Variants in ADK observed in about 807,000 individuals in gnomAD.
The protein encoded by ADK is N6,N6-dimethyladenosine kinase.
In ADK, 24 loss-of-function variants were observed where a neutral mutation model predicts 44.7. The ratio of observed to expected loss-of-function variants is 0.54; its 90% CI spans 0.39 to 0.76. ADK has a LOEUF of 0.76. Among genes scored for constraint, ADK ranks in the 30% least tolerant of loss-of-function variants. The pLI, the probability that ADK is intolerant of heterozygous loss-of-function variation, is 0.00. For missense variants in ADK, 321 were observed against 425.1 expected (o/e 0.76, Z 2.15); for synonymous variants, 128 against 142.6 (o/e 0.90, Z 0.73).
rs1334320551 is a variant in ADK at position 74,580,402 on chromosome 10, C to G, written c.727-8880C>G. On this transcript the variant is annotated intron_variant, in intron 7 of 10. Transcript: ENST00000539909. ...ACCAGCTTGACCAACATGGTGAAAC[C>G]CCATCTCTATTAAAAATACAAAATT... Among the ~76,000 whole-genome samples the G allele has an allele frequency of 2.0e-5, 3 of 152,076 alleles. No individual in the cohort carries two copies. In the East Asian group the frequency reaches 5.8e-4, roughly 29 times the overall value.
Position 74,567,661 on chromosome 10 carries a change from C to A in ADK, c.727-21621C>A, listed in dbSNP as rs562470138. On this transcript the variant is annotated intron_variant, in intron 7 of 10. Coordinates refer to ENST00000539909, the MANE Select transcript of ADK (RefSeq NM_006721.4). ...TGATCAAATTTCACATTTCCCATTT[C>A]TTTTGTTCTCTCTCTCTCTGTTTTT... Among the ~76,000 whole-genome samples, 7 of 144,060 alleles carry A rather than the reference C, an allele frequency of 4.9e-5. No homozygotes were observed. The East Asian group carries it at 1.2e-3, about 25-fold the overall frequency. 94.5% of individuals were successfully genotyped at this position (144,060 alleles called of 152,430 possible). A position where few individuals can be genotyped will look rare whatever the true frequency, so the allele number is the denominator to read the frequency against.
intron 4 of ADK, among the ~76,000 whole-genome samples, chr10:74,388,467 A>T (rs1022964324): frequency 1.3e-5 from 2 of 152,184 alleles, no homozygotes; most frequent in African/African-American, 4.8e-5. Flanking sequence ...TAATGTCTTA[A>T]GAATATTGAG....
At chr10:74,671,390 G>A (rs1469941122) in intron 10 of ADK, among the ~76,000 whole-genome samples, 3 of 151,968 alleles carry the variant, frequency 2.0e-5, no homozygotes, top group Admixed American at 1.3e-4. Context: ...TGGCGACGGG[G>A]TTTCGCCATG....
chr10:74,302,791 G>A (rs955000447), intron 3 of ADK, among the ~76,000 whole-genome samples: 6 of 151,882 alleles, frequency 4.0e-5, no homozygotes, highest in Non-Finnish European at 8.8e-5. Flanking sequence ...GGGAGAGCCT[G>A]TCTCAAAAAA....
At chr10:74,315,055 C>CT (rs1326755253) in intron 4 of ADK, among the ~76,000 whole-genome samples, 4 of 151,652 alleles carry the variant, frequency 2.6e-5, no homozygotes. Flanking sequence ...GATAGTATTC[C>CT]TTTTTATTTT....
chr10:74,569,727 T>C (rs1850861077), intron 7 of ADK, among the ~76,000 whole-genome samples: 1 of 152,240 alleles, frequency 6.6e-6, no homozygotes, highest in African/African-American at 2.4e-5. Context: ...GTAGGTTGCC[T>C]GTTCACTCTG....
At chr10:74,303,509 T>C (rs546499348) in intron 3 of ADK, among the ~76,000 whole-genome samples, 1 of 151,894 alleles carries the variant, frequency 6.6e-6, no homozygotes, top group African/African-American at 2.4e-5. Flanking sequence ...AAACTTGTGG[T>C]TTTCTTTATT....
At chr10:74,466,772 T>G (rs1229556908) in intron 6 of ADK, among the ~76,000 whole-genome samples, 1 of 152,194 alleles carries the variant, frequency 6.6e-6, no homozygotes. Flanking sequence ...TTTCTCTTTC[T>G]GTAGCAAGAA....
chr10:74,342,995 G>A (rs1841637176), intron 4 of ADK, among the ~76,000 whole-genome samples: 1 of 151,976 alleles, frequency 6.6e-6, no homozygotes, highest in African/African-American at 2.4e-5. Context: ...TAATTGCTGT[G>A]ACTAGTAGTT....
At chr10:74,614,654 C>T (rs1289317776) in intron 9 of ADK, among the ~76,000 whole-genome samples, 1 of 151,852 alleles carries the variant, frequency 6.6e-6, no homozygotes, top group Non-Finnish European at 1.5e-5. Flanking sequence ...AGACTTTTGT[C>T]TGCTCTATCT....
Position 74,343,435 on chromosome 10 carries a change from G to A in ADK, c.273+28690G>A, listed in dbSNP as rs141749864. On this transcript the variant is annotated intron_variant, in intron 4 of 10. Transcript: ENST00000539909. ...ACTATTTATTAAGTGGAAATGTTTCGTGAGAAAAGTCATCATTGTCTTCAT... is the reference window on the plus strand; with the variant it reads ...ACTATTTATTAAGTGGAAATGTTTCATGAGAAAAGTCATCATTGTCTTCAT... Among the ~76,000 whole-genome samples, 122 of 152,146 alleles carry A rather than the reference G, an allele frequency of 8.0e-4. 1 individual carries two copies. Among genetic ancestry groups the A allele is most frequent in the African/African-American group, 2.7e-3 (110 of 41,502 alleles).
At chr10:74,575,819 G>A (rs1851164716) in intron 7 of ADK, among the ~76,000 whole-genome samples, 1 of 152,162 alleles carries the variant, frequency 6.6e-6, no homozygotes, top group Non-Finnish European at 1.5e-5. Context: ...GTGCAAGGAT[G>A]CCTTCAAACT....
At chr10:74,238,148 C>T (rs934331111) in intron 3 of ADK, among the ~76,000 whole-genome samples, 1 of 152,114 alleles carries the variant, frequency 6.6e-6, no homozygotes, top group Non-Finnish European at 1.5e-5. Flanking sequence ...CATGAGCCAC[C>T]GCGCCTGTCT....
At chr10:74,379,459 A>G (rs11001020) in intron 4 of ADK, among the ~76,000 whole-genome samples, 19,531 of 152,242 alleles carry the variant, frequency 0.13, 1,314 homozygotes, top group Middle Eastern at 0.17. Context: ...TTCTTGATTA[A>G]AATCCTTCAG....
intron 7 of ADK, among the ~76,000 whole-genome samples, chr10:74,571,531 C>T (rs1459979536): frequency 8.5e-5 from 13 of 152,070 alleles, no homozygotes; most frequent in Admixed American, 5.9e-4. Context: ...GTGTATGTGT[C>T]GAGGGATTTA....
intron 10 of ADK, among the ~76,000 whole-genome samples, chr10:74,704,178 G>C (rs1162073920): frequency 1.3e-5 from 2 of 152,210 alleles, no homozygotes; most frequent in Non-Finnish European, 2.9e-5. Context: ...CCAGGGGCTA[G>C]AAGTAAAGAG....
chr10:74,578,331 A>C (rs1851266061), intron 7 of ADK, among the ~76,000 whole-genome samples: 1 of 152,150 alleles, frequency 6.6e-6, no homozygotes, highest in South Asian at 2.1e-4. Context: ...TTATTAATAT[A>C]AGTTATTTGG....
chr10:74,248,824 C>T (rs962972702), intron 3 of ADK, among the ~76,000 whole-genome samples: 2 of 152,134 alleles, frequency 1.3e-5, no homozygotes, highest in African/African-American at 4.8e-5. Context: ...ATCAATTCTC[C>T]TTGAAGGAGG....
At chr10:74,632,359 T>A (rs1207871954) in intron 9 of ADK, among the ~76,000 whole-genome samples, 1 of 152,176 alleles carries the variant, frequency 6.6e-6, no homozygotes, top group Non-Finnish European at 1.5e-5. Context: ...CATAACAAAT[T>A]ACCACAAAGT....
Sources: gnomAD v4.1 joint callset for allele counts (sites outside exome capture counted in the v4.1 genomes callset) on GRCh38, gnomAD v4.1.1 for gene constraint, MANE v1.5 for transcripts, NCBI Gene and HGNC (gene_info 2026-07-23, HGNC 2026-07-21) for gene names.